The following NEK10 variants were observed in gnomAD, a reference collection of about 807,000 sequenced individuals.
The protein encoded by NEK10 is serine/threonine-protein kinase Nek10.
A neutral mutation model predicts 159.8 loss-of-function variants in NEK10; 122 were observed. That is an observed-to-expected ratio of 0.76 (90% CI 0.66 to 0.89). NEK10 has a LOEUF of 0.89. NEK10 is among the 40% of genes least tolerant of loss of function. NEK10 has a pLI of 0.00. For missense variants in NEK10, 1,342 were observed against 1,323.1 expected, an observed-to-expected ratio of 1.01 and a Z score of -0.22; for synonymous variants, 466 against 457.1, an observed-to-expected ratio of 1.02 and a Z score of -0.25.
At chr3:27,211,867 T>A (rs1272213032) in intron 23 of NEK10, among the ~76,000 whole-genome samples, 2 of 152,240 alleles carry the variant, frequency 1.3e-5, no homozygotes, top group Non-Finnish European at 2.9e-5. Context: ...GAAAACAGAC[T>A]ATTTTTTAAA....
At chr3:27,230,354 A>G (rs777702295) in intron 23 of NEK10, among the ~76,000 whole-genome samples, 15 of 152,240 alleles carry the variant, frequency 9.9e-5, no homozygotes, top group Admixed American at 4.6e-4. Context: ...TAGCACTACA[A>G]GAAATGCTAA....
At chr3:27,355,174 T>G (rs1256924480) in intron 1 of NEK10, among the ~76,000 whole-genome samples, 1 of 152,124 alleles carries the variant, frequency 6.6e-6, no homozygotes, top group African/African-American at 2.4e-5. Flanking sequence ...TGAATTTCCC[T>G]CTTTCTTTGC....
rs531208625 is a variant in NEK10, at chr3:27,167,352, G to A, written c.2831+4467C>T. Among the ~76,000 whole-genome samples, 261 of 152,246 alleles carry A rather than the reference G, an allele frequency of 1.7e-3. 3 individuals are homozygous for A. The highest frequency in any genetic ancestry group is 3.1e-3 in the Non-Finnish European group (208 of 68,014). On this transcript the variant is annotated intron_variant, in intron 29 of 35. Transcript: ENST00000691995. ...TACACTGTGCCCTGGAGAATGCAAA[G>A]ATGAATTAGGCATAGTTTGGCGCAG...
chr3:27,319,119 T>C (rs1414349264), intron 6 of NEK10, among the ~76,000 whole-genome samples: 4 of 152,192 alleles, frequency 2.6e-5, no homozygotes, highest in South Asian at 2.1e-4. Flanking sequence ...AATCGCACTA[T>C]TTTTTATTAT....
chr3:27,260,848 T>C (rs776606378), intron 22 of NEK10, among the ~76,000 whole-genome samples: 1 of 152,206 alleles, frequency 6.6e-6, no homozygotes, highest in African/African-American at 2.4e-5. Context: ...ATCCATCTGG[T>C]CCTAGACTTT....
chr3:27,239,465 G>A (rs2149252190), intron 23 of NEK10, among the ~76,000 whole-genome samples: 1 of 152,292 alleles, frequency 6.6e-6, no homozygotes, highest in Non-Finnish European at 1.5e-5. Flanking sequence ...AATCTCTGTG[G>A]AAGGGGGAGG....
intron 5 of NEK10, among the ~76,000 whole-genome samples, chr3:27,336,738 G>A (rs763043809): frequency 2.2e-4 from 33 of 152,110 alleles, no homozygotes; most frequent in South Asian, 2.1e-4. Flanking sequence ...CAGAATGAAC[G>A]ATAAACAACA....
chr3:27,214,096 A>T (rs932928064), intron 23 of NEK10, among the ~76,000 whole-genome samples: 6 of 152,238 alleles, frequency 3.9e-5, no homozygotes, highest in Admixed American at 3.9e-4. Flanking sequence ...CAGGTCTTAG[A>T]TAATATCAGT....
chr3:27,288,546 G>A (rs1039609851), intron 19 of NEK10, among the ~76,000 whole-genome samples: 2 of 152,066 alleles, frequency 1.3e-5, no homozygotes, highest in Admixed American at 1.3e-4. Context: ...TCCAGTCCTC[G>A]AATTCAGAGT....
At chr3:27,367,051 C>T (rs544579018) in intron 1 of NEK10, among the ~76,000 whole-genome samples, 1 of 152,142 alleles carries the variant, frequency 6.6e-6, no homozygotes, top group South Asian at 2.1e-4. Context: ...CTCAGGTGAT[C>T]CACCCACCTC....
chr3:27,306,216 T>G (rs886964926), intron 11 of NEK10, among the ~76,000 whole-genome samples: 25 of 152,192 alleles, frequency 1.6e-4, no homozygotes, highest in African/African-American at 6.0e-4. Context: ...CTGGGCAACG[T>G]TGGGATTCTT....
chr3:27,294,850 C>A (rs1424671575), intron 15 of NEK10, among the ~76,000 whole-genome samples: 1 of 152,116 alleles, frequency 6.6e-6, no homozygotes, highest in Non-Finnish European at 1.5e-5. Flanking sequence ...TGCCCCCCGC[C>A]CCCACTCTGC....
chr3:27,326,952 T>C (rs1471139071), intron 5 of NEK10, among the ~76,000 whole-genome samples: 3 of 152,178 alleles, frequency 2.0e-5, no homozygotes, highest in Non-Finnish European at 4.4e-5. Flanking sequence ...TACACATATA[T>C]ACATACATCT....
In NEK10 at chr3:27,210,611, G is replaced by A. The variant is rs114571513; in HGVS notation, c.2091-8054C>T. ...CAATCCAAGCCCCTATTCCTTCTGCGACTTCTGGATGGTATAAAACTTCAG... is the reference window on the plus strand; with the variant it reads ...CAATCCAAGCCCCTATTCCTTCTGCAACTTCTGGATGGTATAAAACTTCAG... On this transcript the variant is annotated intron_variant, in intron 23 of 35. Coordinates refer to ENST00000691995, the MANE Select transcript of NEK10 (RefSeq NM_001394966.1). 3.1e-3 allele frequency among the ~76,000 whole-genome samples: 473 copies of A among 152,162 alleles called. 1 individual carries two copies. Among genetic ancestry groups the A allele is most frequent in the Non-Finnish European group, 5.1e-3 (347 of 68,004 alleles).
chr3:27,258,264 C>T (rs900136359), intron 22 of NEK10, among the ~76,000 whole-genome samples: 7 of 151,986 alleles, frequency 4.6e-5, no homozygotes, highest in African/African-American at 1.7e-4. Flanking sequence ...TACATGTGCA[C>T]AACGTGCAAG....
intron 31 of NEK10, among the ~76,000 whole-genome samples, chr3:27,134,087 GGA>G (rs1003133009): frequency 1.1e-4 from 16 of 151,822 alleles, no homozygotes; most frequent in Middle Eastern, 3.4e-3. Flanking sequence ...GGGGGTGCAG[GGA>G]GAGAGAGAGA....
chr3:27,156,950 A>G, intron 30 of NEK10, among the ~76,000 whole-genome samples: 1 of 115,290 alleles, frequency 8.7e-6, no homozygotes, highest in South Asian at 3.2e-4. Flanking sequence ...ATATATATAT[A>G]TATATATATA....
At chr3:27,338,031 G>T (rs936579524) in intron 5 of NEK10, among the ~76,000 whole-genome samples, 1 of 151,984 alleles carries the variant, frequency 6.6e-6, no homozygotes, top group Non-Finnish European at 1.5e-5. Flanking sequence ...TGCCATGTTT[G>T]TTTGCTGCAC....
Position 27,162,478 on chromosome 3 carries a change from C to T in NEK10, c.2869+223G>A, listed in dbSNP as rs770154187. ...AGTACTACCATGATCTTTGAGATTT[C>T]GAAGAATCACAGCAGGAAGGCTATG... is the stretch of plus-strand genomic sequence containing the variant. On this transcript the variant is annotated intron_variant, in intron 30 of 35. Coordinates refer to ENST00000691995, the MANE Select transcript of NEK10 (RefSeq NM_001394966.1). The T allele has an allele frequency of 2.5e-5, 41 of 1,613,890 alleles. No individual in the cohort carries two copies. The African/African-American group carries it at 4.7e-4, about 18-fold the overall frequency.
Sources: allele counts gnomAD v4.1 joint callset (sites outside exome capture counted in the v4.1 genomes callset), GRCh38; gene constraint gnomAD v4.1.1; transcripts MANE v1.5; gene names NCBI Gene and HGNC (gene_info 2026-07-23, HGNC 2026-07-21).